GON4L: variants seen among roughly 807,000 people sequenced by gnomAD.
GON4L encodes gon-4 like, also known as GON-4-like protein.
A neutral mutation model predicts 211.8 loss-of-function variants in GON4L; 87 were observed. That is an observed-to-expected ratio of 0.41 (90% CI 0.35 to 0.49). GON4L has a LOEUF of 0.49. GON4L is among the 20% of genes least tolerant of loss of function. The pLI is 0.15. For synonymous variants in GON4L, 875 were observed against 962.6 expected (o/e 0.91, Z 1.68); for missense variants, 2,155 against 2,659.5 (o/e 0.81, Z 4.17).
chr1:155,810,802 A>G (rs1667694099), intron 10 of GON4L, among the ~76,000 whole-genome samples: 2 of 151,988 alleles, frequency 1.3e-5, no homozygotes, highest in South Asian at 4.1e-4. Context: ...TGGATCACCT[A>G]AGGCCAGTTC....
intron 2 of GON4L, among the ~76,000 whole-genome samples, chr1:155,835,711 G>A (rs556778655): frequency 1.3e-5 from 2 of 152,212 alleles, no homozygotes; most frequent in Admixed American, 6.5e-5. Flanking sequence ...CCAGCAATCC[G>A]CAGGTCTGCT....
chr1:155,842,709 T>C (rs1182471897), intron 2 of GON4L, among the ~76,000 whole-genome samples: 1 of 148,884 alleles, frequency 6.7e-6, no homozygotes, highest in Non-Finnish European at 1.5e-5. Flanking sequence ...TAGTGGCACA[T>C]GCCTGTAGTC....
At chr1:155,820,568 CT>C in intron 6 of GON4L, 37 bp downstream of exon 6, 1 of 1,435,344 alleles carries the variant, frequency 7.0e-7, no homozygotes, top group South Asian at 1.1e-5. Context: ...ATTCACCAAG[CT>C]AAAAAAAAAC....
intron 14 of GON4L, among the ~76,000 whole-genome samples, chr1:155,783,275 C>G (rs1664603199): frequency 6.6e-6 from 1 of 152,070 alleles, no homozygotes; most frequent in African/African-American, 2.4e-5. Flanking sequence ...CAGATGGATC[C>G]CAAGCTCTCT....
chr1:155,807,938 T>C (rs1030697511), intron 10 of GON4L, among the ~76,000 whole-genome samples: 1 of 152,074 alleles, frequency 6.6e-6, no homozygotes, highest in African/African-American at 2.4e-5. Context: ...AATGGGTTTC[T>C]GTTTACCCTC....
chr1:155,823,732 T>C (rs565846898), intron 3 of GON4L, among the ~76,000 whole-genome samples: 1 of 152,096 alleles, frequency 6.6e-6, no homozygotes, highest in South Asian at 2.1e-4. Flanking sequence ...TCGTCTCTAC[T>C]GAAAATACAA....
At chr1:155,791,406 C>T (rs192207980) in intron 12 of GON4L, among the ~76,000 whole-genome samples, 3 of 151,110 alleles carry the variant, frequency 2.0e-5, no homozygotes, top group Admixed American at 2.0e-4. Context: ...GAGTAATGTG[C>T]ATGGTGAGAG....
intron 2 of GON4L, among the ~76,000 whole-genome samples, chr1:155,836,249 GTTTTTT>G (rs140291845): frequency 1.0e-5 from 1 of 98,908 alleles, no homozygotes; most frequent in Non-Finnish European, 2.2e-5. Flanking sequence ...TTTTGTTTTC[GTTTTTT>G]TTTTTTTTTT....
chr1:155,767,376 C>G, intron 20 of GON4L, 49 bp downstream of exon 20: 1 of 1,613,920 alleles, frequency 6.2e-7, no homozygotes, highest in South Asian at 1.1e-5. Flanking sequence ...TCTCTCAGAA[C>G]TTTCAGTGAC....
intron 31 of GON4L, 32 bp from the exon 32 acceptor site, chr1:155,750,765 CTT>C (rs58764354): frequency 5.8e-6 from 8 of 1,372,742 alleles, no homozygotes; most frequent in East Asian, 2.8e-5. Flanking sequence ...ATTCACTGGT[CTT>C]TTTTTTTTGT....
chr1:155,801,517 G>C (rs1666660088), intron 11 of GON4L, among the ~76,000 whole-genome samples: 1 of 151,988 alleles, frequency 6.6e-6, no homozygotes, highest in African/African-American at 2.4e-5. Context: ...GTAAAAAAAA[G>C]AAATATGATA....
chr1:155,765,687 G>A lies in GON4L; in HGVS notation c.3786C>T (p.Phe1262=), dbSNP rs200394500. 1.2e-6 allele frequency: 2 copies of A among 1,614,174 alleles called. No individual in the cohort carries two copies. The highest frequency in any genetic ancestry group is 2.2e-5 in the East Asian group (1 of 44,884). Residue 1262 remains phenylalanine (F), a synonymous_variant, in exon 21 of 32, where the codon TTC becomes TTT. Coordinates refer to ENST00000368331, the MANE Select transcript of GON4L (RefSeq NM_001282860.2). ...QELSPLSATV[F]PKVEHSPGPP... ...GCCCTGGGCTATGTTCCACTTTCGGGAAAACAGTAGCAGAGAGAGGAGATA... is the reference window on the plus strand; with the variant it reads ...GCCCTGGGCTATGTTCCACTTTCGGAAAAACAGTAGCAGAGAGAGGAGATA...
At chr1:155,816,784 A>T (rs984100633) in intron 6 of GON4L, among the ~76,000 whole-genome samples, 41 of 150,368 alleles carry the variant, frequency 2.7e-4, no homozygotes, top group Non-Finnish European at 3.9e-4. Context: ...AAAAAAAAAA[A>T]AAAAAAAAAA....
intron 28 of GON4L, 58 bp downstream of exon 28, chr1:155,754,317 G>C (rs560780822): frequency 9.9e-7 from 1 of 1,014,362 alleles, no homozygotes; most frequent in African/African-American, 1.6e-5. Flanking sequence ...ACAATTCTTG[G>C]TAGCAAACAA....
In GON4L at chr1:155,751,467, T is replaced by G. The variant is rs181911997; in HGVS notation, c.6576+300A>C. On this transcript the variant is annotated intron_variant, in intron 31 of 31. Coordinates refer to ENST00000368331, the MANE Select transcript of GON4L (RefSeq NM_001282860.2). The stretch of plus-strand genomic sequence containing the variant: ...GAGAGGCTGAGGCAGGACAATCACT[T>G]GAACCTGGGAGGTGGAGGTTGTAGT... 8.8e-4 allele frequency among the ~76,000 whole-genome samples: 134 copies of G among 152,262 alleles called. 1 individual carries two copies. Among genetic ancestry groups the G allele is most frequent in the African/African-American group, 3.1e-3 (128 of 41,558 alleles).
chr1:155,751,856 C>T lies in GON4L; in HGVS notation c.6487G>A (p.Val2163Met). 6.2e-7 allele frequency: 1 copy of T among 1,613,426 alleles called. No homozygotes were observed. The highest frequency in any genetic ancestry group is 1.3e-5 in the African/African-American group (1 of 75,040). The change falls in exon 31 of 32, where the codon GTG becomes ATG. Residue 2163 changes from valine (V) to methionine (M), a missense_variant. By Grantham distance (21) the Val-to-Met change is conservative. This residue lies in a region of GON4L where 186 missense variants were observed against 308.1 expected (regional missense o/e 0.60). Transcript: ENST00000368331. ...VVLWTREADR[V>M]ILTMCQEQGA... ...TGCTCCTGGCACATGGTGAGGATCA[C>T]ACGGTCAGCTTCCCTGTAACCCAGG...
chr1:155,811,538 T>G (rs1667772836), intron 10 of GON4L, among the ~76,000 whole-genome samples: 1 of 150,850 alleles, frequency 6.6e-6, no homozygotes. Flanking sequence ...GGCAGATCAC[T>G]TGAGGTCAGG....
At chr1:155,748,806 T>C (rs902973808), downstream of GON4L, 1 of 1,596,052 alleles carries the variant, frequency 6.3e-7, no homozygotes, top group Admixed American at 1.7e-5. Context: ...CTGTTGGTCC[T>C]TAGGAGTCCT....
chr1:155,839,850 A>G (rs768398698), intron 2 of GON4L, among the ~76,000 whole-genome samples: 2 of 152,166 alleles, frequency 1.3e-5, no homozygotes, highest in Admixed American at 1.3e-4. Context: ...CAAGGTATTG[A>G]TTTGCTCTTA....
Sources: gnomAD v4.1 joint callset for allele counts (sites outside exome capture counted in the v4.1 genomes callset) on GRCh38, gnomAD v4.1.1 for gene constraint, gnomAD v4.1.1 regional missense constraint, MANE v1.5 for transcripts, NCBI Gene and HGNC (gene_info 2026-07-23, HGNC 2026-07-21) for gene names.